Variants in HYAL4 observed in about 807,000 individuals in gnomAD.
The protein encoded by HYAL4 is hyaluronidase-4.
Under a neutral mutation model 35.2 loss-of-function variants are expected in HYAL4, and 37 were observed. That is an observed-to-expected ratio of 1.05 (90% CI 0.81 to 1.38). HYAL4 has a LOEUF of 1.38. Among genes scored for constraint, HYAL4 ranks in the 40% most tolerant of loss-of-function variants. The probability of loss-of-function intolerance (pLI) is 0.00; values close to 1 mark genes in which losing one functional copy is unlikely to be tolerated. For synonymous variants in HYAL4, 198 were observed against 203.2 expected, an observed-to-expected ratio of 0.97 and a Z score of 0.22; for missense variants, 572 against 572.4, an observed-to-expected ratio of 1.00 and a Z score of 0.01.
chr7:123,831,562 T>C (rs1005094046), intron 1 of HYAL4, among the ~76,000 whole-genome samples: 8 of 152,258 alleles, frequency 5.3e-5, no homozygotes, highest in Non-Finnish European at 5.9e-5. Context: ...TCTATTGTTA[T>C]ACATTTTATT....
At chr7:123,789,223 T>C in the HYAL4 span, among the ~76,000 whole-genome samples, 17 of 152,222 alleles carry the variant, frequency 1.1e-4, 1 homozygote, top group Non-Finnish European at 2.1e-4. Flanking sequence ...CAAATAACTA[T>C]AATTTAGGAC....
At chr7:123,864,510 G>A (rs1249467041) in intron 2 of HYAL4, among the ~76,000 whole-genome samples, 1 of 152,108 alleles carries the variant, frequency 6.6e-6, no homozygotes, top group African/African-American at 2.4e-5. Flanking sequence ...GAAGGGGGAA[G>A]GGAGAAAGAA....
chr7:123,774,377 G>A, the HYAL4 span, among the ~76,000 whole-genome samples: 52 of 152,136 alleles, frequency 3.4e-4, no homozygotes, highest in African/African-American at 1.2e-3. Context: ...TTTGCTCACT[G>A]GGTGTGGTAT....
chr7:123,807,333 G>A, the HYAL4 span, among the ~76,000 whole-genome samples: 24 of 151,230 alleles, frequency 1.6e-4, no homozygotes, highest in African/African-American at 5.4e-4. Flanking sequence ...TAAATAATGT[G>A]CAGGTTTGAA....
chr7:123,853,187 A>G, intron 2 of HYAL4, among the ~76,000 whole-genome samples: 1 of 152,166 alleles, frequency 6.6e-6, no homozygotes. Flanking sequence ...AACAGAGACA[A>G]TTTGACTTCC....
chr7:123,876,901 C>T lies in HYAL4; in HGVS notation c.1192C>T (p.Leu398Phe), dbSNP rs1475103241. Reference protein sequence around the residue: ...IRKMWNAPSYLHLNPASYHIE... With the variant: ...IRKMWNAPSYFHLNPASYHIE... ...GAAGATGTGGAACGCGCCCAGTTAC[C>T]TTCACTTGAACCCTGCAAGTTACCA... Residue 398 changes from leucine to phenylalanine, a missense_variant, in exon 5 of 5, where the codon CTT (leucine) becomes TTT (phenylalanine). Physicochemically the swap from Leu to Phe is conservative, Grantham distance 22 (BLOSUM62 0). Transcript: ENST00000223026. 6.2e-7 allele frequency: 1 copy of T among 1,614,170 alleles called. No individual in the cohort carries two copies. The highest frequency in any genetic ancestry group is 8.5e-7 in the Non-Finnish European group (1 of 1,180,030).
At chr7:123,813,196 GA>G in the HYAL4 span, among the ~76,000 whole-genome samples, 8 of 151,870 alleles carry the variant, frequency 5.3e-5, no homozygotes, top group Non-Finnish European at 8.8e-5. Flanking sequence ...TTATATCAGA[GA>G]AAAATCTGTT....
At chr7:123,859,256 A>T (rs559186146) in intron 2 of HYAL4, among the ~76,000 whole-genome samples, 1 of 152,194 alleles carries the variant, frequency 6.6e-6, no homozygotes, top group African/African-American at 2.4e-5. Context: ...ATTTCTCCAC[A>T]TACTTTTATC....
At chr7:123,767,112 C>T in the HYAL4 span, among the ~76,000 whole-genome samples, 1 of 152,172 alleles carries the variant, frequency 6.6e-6, no homozygotes, top group African/African-American at 2.4e-5. Flanking sequence ...AATCATCTTA[C>T]TATCAGTAGT....
the HYAL4 span, among the ~76,000 whole-genome samples, chr7:123,811,445 A>G: frequency 1.3e-5 from 2 of 152,212 alleles, no homozygotes; most frequent in East Asian, 1.9e-4. Flanking sequence ...CTAAGGACAT[A>G]TAATGTTGAG....
At chr7:123,849,942 C>CTATATTTCTCATATGTTTTATCTTACA (rs143496674) in intron 2 of HYAL4, among the ~76,000 whole-genome samples, 20,647 of 151,746 alleles carry the variant, frequency 0.14, 1,449 homozygotes, top group African/African-American at 0.15. Flanking sequence ...AAACATGTTT[C>CTATATTTCTCATATGTTTTATCTTACA]TATATTTCTC....
chr7:123,798,609 G>C, the HYAL4 span, among the ~76,000 whole-genome samples: 1 of 152,162 alleles, frequency 6.6e-6, no homozygotes, highest in Admixed American at 6.5e-5. Flanking sequence ...TCACGTTCAC[G>C]GGGCTGACAG....
the HYAL4 span, among the ~76,000 whole-genome samples, chr7:123,785,963 C>G: frequency 9.2e-5 from 14 of 151,942 alleles, no homozygotes; most frequent in Admixed American, 6.6e-5. This position sits in a 1 kb window ranked among gnomAD's most constrained non-coding sequence, Gnocchi z 4.5. Flanking sequence ...CAAAACAAAA[C>G]AAAACAAAAC....
the HYAL4 span, among the ~76,000 whole-genome samples, chr7:123,820,167 A>C: frequency 6.6e-6 from 1 of 151,930 alleles, no homozygotes; most frequent in Non-Finnish European, 1.5e-5. Flanking sequence ...TGCTGGGATT[A>C]CAGGCATGAG....
At chr7:123,850,759 T>G (rs1806287833) in intron 2 of HYAL4, among the ~76,000 whole-genome samples, 1 of 152,158 alleles carries the variant, frequency 6.6e-6, no homozygotes, top group Non-Finnish European at 1.5e-5. Flanking sequence ...CTATATTGGG[T>G]GGTTGAAGAA....
At chr7:123,851,557 G>C (rs190202311) in intron 2 of HYAL4, among the ~76,000 whole-genome samples, 1 of 152,022 alleles carries the variant, frequency 6.6e-6, no homozygotes, top group Non-Finnish European at 1.5e-5. Flanking sequence ...TCATGTCCCC[G>C]CAAAGGACAT....
chr7:123,808,372 A>G, the HYAL4 span, among the ~76,000 whole-genome samples: 1 of 150,098 alleles, frequency 6.7e-6, no homozygotes, highest in East Asian at 2.0e-4. Flanking sequence ...AGAAATGTGT[A>G]CACACACACA....
the HYAL4 span, among the ~76,000 whole-genome samples, chr7:123,821,907 C>T: frequency 6.6e-6 from 1 of 152,072 alleles, no homozygotes; most frequent in African/African-American, 2.4e-5. Context: ...AGAGACTATC[C>T]TTTCTCTGTT....
chr7:123,777,581 T>A, the HYAL4 span, among the ~76,000 whole-genome samples: 1 of 152,168 alleles, frequency 6.6e-6, no homozygotes, highest in South Asian at 2.1e-4. Flanking sequence ...AATTATACAC[T>A]CCTTGAGGAT....
Sources: allele counts gnomAD v4.1 joint callset (sites outside exome capture counted in the v4.1 genomes callset), GRCh38; gene constraint gnomAD v4.1.1; non-coding constraint Gnocchi (gnomAD v3.1); transcripts MANE v1.5; gene names NCBI Gene and HGNC (gene_info 2026-07-23, HGNC 2026-07-21).